TMEM117: variants seen among roughly 807,000 people sequenced by gnomAD.
TMEM117 encodes the protein transmembrane protein 117.
TMEM117 carries 27 observed loss-of-function variants against 52.4 expected under a neutral mutation model. The ratio of observed to expected loss-of-function variants is 0.51; its 90% CI spans 0.38 to 0.71. TMEM117 has a LOEUF of 0.71. Ranked by LOEUF, TMEM117 falls within the 30% of genes least tolerant of loss-of-function variation. The pLI, the probability that TMEM117 is intolerant of heterozygous loss-of-function variation, is 0.00. For synonymous variants in TMEM117, 215 were observed against 206.3 expected (o/e 1.04, Z -0.36); for missense variants, 556 against 630.5 (o/e 0.88, Z 1.26).
At position 44,070,018 on chromosome 12, in the gene TMEM117, T is replaced by C. The variant is rs574377811; in HGVS notation, c.411-73507T>C. 7.2e-5 allele frequency among the ~76,000 whole-genome samples: 11 copies of C among 152,238 alleles called. 1 individual carries two copies. Among genetic ancestry groups the C allele is most frequent in the Admixed American group, 3.9e-4 (6 of 15,292 alleles). On this transcript the variant is annotated intron_variant, in intron 3 of 7. Transcript: ENST00000266534. The stretch of plus-strand genomic sequence containing the variant: ...GATCCTCCCACCTTACCTTCCTGAG[T>C]AGCTGGGACTACAGGCACATGCCAC...
intron 6 of TMEM117, among the ~76,000 whole-genome samples, chr12:44,337,205 C>T (rs1480373563): frequency 3.9e-5 from 6 of 151,940 alleles, no homozygotes; most frequent in African/African-American, 7.2e-5. Flanking sequence ...TCTTGGTATC[C>T]AGTGAGGGCT....
intron 6 of TMEM117, among the ~76,000 whole-genome samples, chr12:44,325,155 A>G (rs936378685): frequency 1.3e-5 from 2 of 152,224 alleles, no homozygotes; most frequent in African/African-American, 4.8e-5. Flanking sequence ...CTCTAGTTCA[A>G]TGATTCTTTT....
intron 5 of TMEM117, among the ~76,000 whole-genome samples, chr12:44,258,042 A>G (rs1950279821): frequency 6.6e-6 from 1 of 152,134 alleles, no homozygotes; most frequent in South Asian, 2.1e-4. Flanking sequence ...AAGACAGAAC[A>G]TAGTTTGAAA....
At chr12:44,271,864 A>G (rs912749632) in intron 5 of TMEM117, among the ~76,000 whole-genome samples, 2 of 152,122 alleles carry the variant, frequency 1.3e-5, no homozygotes, top group African/African-American at 2.4e-5. Context: ...TATGAAATAT[A>G]TAAGAAACTC....
intron 6 of TMEM117, among the ~76,000 whole-genome samples, chr12:44,342,147 G>A (rs1037694169): frequency 1.3e-5 from 2 of 152,138 alleles, no homozygotes; most frequent in African/African-American, 4.8e-5. Context: ...AACAATTCCA[G>A]TGTACTGGCG....
intron 3 of TMEM117, among the ~76,000 whole-genome samples, chr12:44,076,228 A>T (rs924058616): frequency 6.6e-6 from 1 of 152,226 alleles, no homozygotes; most frequent in Non-Finnish European, 1.5e-5. Context: ...AGGAAATGAC[A>T]TCAGAGAAAT....
intron 5 of TMEM117, among the ~76,000 whole-genome samples, chr12:44,252,965 G>A (rs960144560): frequency 2.0e-5 from 3 of 151,918 alleles, no homozygotes; most frequent in Non-Finnish European, 2.9e-5. Context: ...AGAAGAGGTC[G>A]GAAAAAGAGG....
At chr12:44,150,179 A>C (rs981978010) in intron 4 of TMEM117, among the ~76,000 whole-genome samples, 2 of 152,208 alleles carry the variant, frequency 1.3e-5, no homozygotes, top group African/African-American at 4.8e-5. Flanking sequence ...TCAAGCATTT[A>C]ATTAATACAC....
At chr12:44,234,956 A>G (rs932203235) in intron 5 of TMEM117, among the ~76,000 whole-genome samples, 8 of 151,438 alleles carry the variant, frequency 5.3e-5, no homozygotes, top group African/African-American at 1.7e-4. Context: ...CCATTAGGTT[A>G]TGTTTATTAA....
chr12:43,917,733 T>C (rs1488706883), intron 2 of TMEM117, among the ~76,000 whole-genome samples: 1 of 152,212 alleles, frequency 6.6e-6, no homozygotes, highest in African/African-American at 2.4e-5. Flanking sequence ...TGTCTAATTT[T>C]AGGATTCTTT....
intron 6 of TMEM117, among the ~76,000 whole-genome samples, chr12:44,373,095 G>C (rs1951886863): frequency 6.6e-6 from 1 of 152,152 alleles, no homozygotes; most frequent in South Asian, 2.1e-4. Flanking sequence ...AACGTTGCAG[G>C]TGCTCCATAA....
chr12:44,237,077 C>T (rs943925992), intron 5 of TMEM117, among the ~76,000 whole-genome samples: 3 of 152,028 alleles, frequency 2.0e-5, no homozygotes, highest in Admixed American at 1.3e-4. Context: ...ACCTCACTAC[C>T]TTGTTAGCTC....
At chr12:44,160,645 AT>A (rs1403921702) in intron 4 of TMEM117, among the ~76,000 whole-genome samples, 3 of 151,918 alleles carry the variant, frequency 2.0e-5, no homozygotes, top group Non-Finnish European at 4.4e-5. Context: ...TCCACAAAAA[AT>A]TTAAAATTAG....
intron 2 of TMEM117, among the ~76,000 whole-genome samples, chr12:43,917,009 A>G (rs971901954): frequency 6.6e-6 from 1 of 152,088 alleles, no homozygotes. Context: ...AGTTACCTTA[A>G]CCATTTATTT....
intron 2 of TMEM117, among the ~76,000 whole-genome samples, chr12:43,871,158 A>C (rs1943698283): frequency 6.6e-6 from 1 of 150,520 alleles, no homozygotes; most frequent in African/African-American, 2.5e-5. Flanking sequence ...GCTGGAGTGC[A>C]GTGGCACGAT....
At chr12:44,141,271 A>G (rs1948567267) in intron 3 of TMEM117, among the ~76,000 whole-genome samples, 2 of 152,052 alleles carry the variant, frequency 1.3e-5, no homozygotes, top group Non-Finnish European at 2.9e-5. Flanking sequence ...GTACATGTGC[A>G]GTTTTGCTAT....
chr12:43,823,738 T>G, the TMEM117 span, among the ~76,000 whole-genome samples: 2 of 152,104 alleles, frequency 1.3e-5, no homozygotes, highest in Admixed American at 1.3e-4. Context: ...GGTCTCGATC[T>G]GTTGACCTCG....
chr12:44,060,204 C>T (rs987801535), intron 3 of TMEM117, among the ~76,000 whole-genome samples: 2 of 152,122 alleles, frequency 1.3e-5, no homozygotes, highest in East Asian at 3.9e-4. Context: ...ATTTTTTCTT[C>T]TTGTCTTCTG....
At position 43,931,703 on chromosome 12, in the gene TMEM117, G is replaced by A. The variant is rs138555671; in HGVS notation, c.278-12507G>A. ...GGTAGCACTTCTTTTTGAGTTTAGT[G>A]AATTTTTACTTTGAACTCATATTTT... On this transcript the variant is annotated intron_variant, in intron 2 of 7. Coordinates refer to ENST00000266534, the MANE Select transcript of TMEM117 (RefSeq NM_032256.3). 1.2e-3 allele frequency among the ~76,000 whole-genome samples: 190 copies of A among 152,176 alleles called. 1 individual carries two copies. Among genetic ancestry groups the A allele is most frequent in the African/African-American group, 4.4e-3 (182 of 41,516 alleles).
Sources: gnomAD v4.1 joint callset for allele counts (sites outside exome capture counted in the v4.1 genomes callset) on GRCh38, gnomAD v4.1.1 for gene constraint, MANE v1.5 for transcripts, NCBI Gene and HGNC (gene_info 2026-07-23, HGNC 2026-07-21) for gene names.